EVL: variants seen among roughly 807,000 people sequenced by gnomAD.
EVL encodes ena/VASP-like protein.
Under a neutral mutation model 59.6 loss-of-function variants are expected in EVL, and 21 were observed. The observed-to-expected ratio is 0.35, with a 90% confidence interval of 0.25 to 0.51. EVL has a LOEUF of 0.51. EVL is among the 20% of genes least tolerant of loss of function. The pLI, the probability that EVL is intolerant of heterozygous loss-of-function variation, is 0.97. For synonymous variants in EVL, 198 were observed against 203.5 expected, an observed-to-expected ratio of 0.97 and a Z score of 0.23; for missense variants, 462 against 546.6, an observed-to-expected ratio of 0.85 and a Z score of 1.54.
intron 1 of EVL, among the ~76,000 whole-genome samples, chr14:99,990,430 A>G (rs1028161580): frequency 1.3e-5 from 2 of 152,190 alleles, no homozygotes; most frequent in African/African-American, 4.8e-5. Flanking sequence ...ATTGTTGTCC[A>G]GTAGATCTCT....
chr14:100,129,856 C>T (rs978593547), intron 7 of EVL, among the ~76,000 whole-genome samples, 172 bp downstream of exon 7: 6 of 152,236 alleles, frequency 3.9e-5, no homozygotes, highest in East Asian at 1.9e-4. Context: ...TAGTCTGAAG[C>T]GCAAGCCCAC....
chr14:99,990,822 T>C (rs2060870774), intron 1 of EVL, among the ~76,000 whole-genome samples: 1 of 152,172 alleles, frequency 6.6e-6, no homozygotes, highest in African/African-American at 2.4e-5. Flanking sequence ...AGCATGAGTA[T>C]GCAGATATCT....
chr14:99,978,636 G>A (rs1026020066), intron 1 of EVL, among the ~76,000 whole-genome samples: 5 of 152,180 alleles, frequency 3.3e-5, no homozygotes, highest in African/African-American at 1.2e-4. Flanking sequence ...AATGAATCCA[G>A]GGGGACTTTT....
chr14:100,049,703 A>T (rs552015543), intron 1 of EVL, among the ~76,000 whole-genome samples: 7 of 152,284 alleles, frequency 4.6e-5, no homozygotes, highest in African/African-American at 1.4e-4. Context: ...TGTTTTTAGT[A>T]TATTCACTGA....
chr14:100,062,264 A>G (rs72711915), upstream of EVL, among the ~76,000 whole-genome samples: 2,709 of 151,832 alleles, frequency 0.018, 34 homozygotes, highest in Non-Finnish European at 0.027. Context: ...AATATGTAAC[A>G]TTGTATTTTG....
chr14:100,040,354 C>G (rs1031011427), intron 1 of EVL, among the ~76,000 whole-genome samples: 3 of 152,188 alleles, frequency 2.0e-5, no homozygotes, highest in African/African-American at 7.2e-5. Context: ...CTCCTCAGCT[C>G]AGATTAGCCT....
intron 3 of EVL, among the ~76,000 whole-genome samples, chr14:100,120,898 G>A (rs971532201): frequency 6.6e-6 from 1 of 152,182 alleles, no homozygotes; most frequent in African/African-American, 2.4e-5. Context: ...GAGAAGCAGG[G>A]TGTTTTGTGG....
rs1472008631 is a variant in EVL, at chr14:100,127,806, G to T, written c.488-713G>T. ...TTTGTATGCCAACATGGCGCCGTGTGCCTGCCCTTGGTAACACTTGTCAGC... is the reference window on the plus strand; with the variant it reads ...TTTGTATGCCAACATGGCGCCGTGTTCCTGCCCTTGGTAACACTTGTCAGC... On this transcript the variant is annotated intron_variant, in intron 5 of 13. Transcript: ENST00000392920. The surrounding 1 kb of genome is among the most constrained non-coding windows in gnomAD (Gnocchi z 4.2). 1.3e-5 allele frequency among the ~76,000 whole-genome samples: 2 copies of T among 152,216 alleles called. No homozygotes were observed. Among genetic ancestry groups the T allele is most frequent in the African/African-American group, 4.8e-5 (2 of 41,448 alleles).
At chr14:99,982,659 C>T (rs779718806) in intron 1 of EVL, among the ~76,000 whole-genome samples, 4 of 152,136 alleles carry the variant, frequency 2.6e-5, no homozygotes, top group African/African-American at 4.8e-5. Context: ...GTTCCCAGTT[C>T]CTCTGTGAGC....
intron 3 of EVL, among the ~76,000 whole-genome samples, chr14:100,121,628 G>A (rs1398024390): frequency 6.6e-6 from 1 of 152,178 alleles, no homozygotes; most frequent in East Asian, 1.9e-4. Context: ...CCTCTGGAAG[G>A]GCCAGGGCTC....
At chr14:100,045,765 C>G (rs988610047) in intron 1 of EVL, among the ~76,000 whole-genome samples, 3 of 152,130 alleles carry the variant, frequency 2.0e-5, no homozygotes, top group Non-Finnish European at 4.4e-5. Flanking sequence ...CTAAATCAGC[C>G]AGTGGTGTTT....
intron 1 of EVL, chr14:100,066,487 A>G (rs1379637145): frequency 2.6e-5 from 4 of 152,258 alleles, no homozygotes; most frequent in Admixed American, 2.6e-4. Context: ...AGCAGCTTGC[A>G]GTGAGTTGTT....
intron 1 of EVL, among the ~76,000 whole-genome samples, chr14:100,000,508 C>T (rs569975874): frequency 3.9e-5 from 6 of 152,022 alleles, no homozygotes; most frequent in African/African-American, 9.7e-5. Context: ...CCATCATGCC[C>T]GGCTCATTTC....
At chr14:100,122,380 T>C (rs1050605041) in intron 3 of EVL, among the ~76,000 whole-genome samples, 1 of 152,228 alleles carries the variant, frequency 6.6e-6, no homozygotes, top group African/African-American at 2.4e-5. Flanking sequence ...CAAGTCCTTA[T>C]GGGAGCCTTC....
At chr14:100,069,381 C>T (rs1021955897) in intron 1 of EVL, among the ~76,000 whole-genome samples, 6 of 152,204 alleles carry the variant, frequency 3.9e-5, no homozygotes, top group African/African-American at 1.4e-4. Context: ...TAAGAAGTCT[C>T]GCACAGCCGG....
At chr14:100,136,109 T>A in intron 9 of EVL, 141 bp downstream of exon 9, 2 of 827,508 alleles carry the variant, frequency 2.4e-6, no homozygotes, top group Non-Finnish European at 1.9e-6. Flanking sequence ...CCATTTCTTA[T>A]GGGTCCCCCA....
upstream of EVL, among the ~76,000 whole-genome samples, chr14:100,064,932 G>A (rs2061900223): frequency 6.6e-6 from 1 of 152,152 alleles, no homozygotes; most frequent in Admixed American, 6.5e-5. Context: ...AAAAAGACTT[G>A]ATCAGCTTAT....
At chr14:100,079,261 TG>T (rs1326746895) in intron 1 of EVL, among the ~76,000 whole-genome samples, 2 of 152,236 alleles carry the variant, frequency 1.3e-5, no homozygotes, top group Non-Finnish European at 2.9e-5. Flanking sequence ...CAGATGCTTT[TG>T]CTTGGCAGTT....
intron 1 of EVL, among the ~76,000 whole-genome samples, chr14:100,082,250 G>A (rs1196161035): frequency 6.6e-6 from 1 of 150,924 alleles, no homozygotes; most frequent in African/African-American, 2.5e-5. Context: ...TGAGCTCACT[G>A]AGGGCAGGTA....
Sources: allele counts gnomAD v4.1 joint callset (sites outside exome capture counted in the v4.1 genomes callset), GRCh38; gene constraint gnomAD v4.1.1; non-coding constraint Gnocchi (gnomAD v3.1); transcripts MANE v1.5; gene names NCBI Gene and HGNC (gene_info 2026-07-23, HGNC 2026-07-21).